The following CPA4 variants were observed in gnomAD, a reference collection of about 807,000 sequenced individuals.
CPA4 encodes carboxypeptidase A3.
CPA4 carries 49 observed loss-of-function variants against 54.7 expected under a neutral mutation model. The ratio of observed to expected loss-of-function variants is 0.90; its 90% CI spans 0.71 to 1.14. The LOEUF (loss-of-function observed/expected upper bound fraction) is 1.14. CPA4 is among the 50% of genes most tolerant of loss of function. The pLI is 0.00. For missense variants in CPA4, 487 were observed against 525.1 expected (o/e 0.93, Z 0.71); for synonymous variants, 215 against 206.8 (o/e 1.04, Z -0.34).
chr7:130,298,216 A>G (rs764940507), intron 1 of CPA4, among the ~76,000 whole-genome samples: 2 of 152,232 alleles, frequency 1.3e-5, no homozygotes, highest in Non-Finnish European at 2.9e-5. Flanking sequence ...TTTTCTTTCC[A>G]GCATGGAGGT....
chr7:130,295,703 G>C (rs916602969), intron 1 of CPA4, among the ~76,000 whole-genome samples: 1 of 152,200 alleles, frequency 6.6e-6, no homozygotes, highest in East Asian at 1.9e-4. Context: ...GCTACCGCTG[G>C]GTGCAGTGGC....
chr7:130,308,373 A>C lies in CPA4; in HGVS notation c.769A>C (p.Arg257=). The C allele has an allele frequency of 6.2e-7, 1 of 1,614,136 alleles. No individual in the cohort carries two copies. The highest frequency in any genetic ancestry group is 8.5e-7 in the Non-Finnish European group (1 of 1,180,000). ...GSSCIGADPN[R]NWNASFAGKG... ...CTCCTGCATTGGTGCTGACCCAAAT[A>C]GAAACTGGAACGCTAGTTTTGCAGG... is the stretch of plus-strand genomic sequence containing the variant. Residue 257 remains arginine, a synonymous_variant, in exon 8 of 11, where the codon AGA becomes CGA. Coordinates refer to ENST00000222482, the MANE Select transcript of CPA4 (RefSeq NM_016352.4).
intron 1 of CPA4, among the ~76,000 whole-genome samples, chr7:130,295,587 T>A (rs1326259437): frequency 6.6e-6 from 1 of 152,184 alleles, no homozygotes; most frequent in Non-Finnish European, 1.5e-5. Context: ...ATTTTTCAAA[T>A]ACAGACAAGG....
intron 3 of CPA4, among the ~76,000 whole-genome samples, chr7:130,300,275 C>A (rs1297411352): frequency 6.6e-6 from 1 of 151,806 alleles, no homozygotes; most frequent in East Asian, 1.9e-4. Context: ...GCATATGTTG[C>A]TTCCAGGGAG....
In CPA4 at chr7:130,312,100, G is replaced by C; in HGVS notation, c.1056G>C (p.Val352=). The C allele has an allele frequency of 6.2e-7, 1 of 1,613,726 alleles. No individual in the cohort carries two copies. The highest frequency in any genetic ancestry group is 1.1e-5 in the South Asian group (1 of 91,080). ...CTGTGTCGGGCACTGAGTACCAAGT[G>C]GGTCCCACCTGCACCACTGTCTGTA... ...LASVSGTEYQ[V]GPTCTTVYPA... Residue 352 remains valine (V), a synonymous_variant, in exon 10 of 11, where the codon GTG becomes GTC. Transcript: ENST00000222482.
intron 8 of CPA4, among the ~76,000 whole-genome samples, chr7:130,308,706 C>A (rs552124321): frequency 7.3e-6 from 1 of 136,504 alleles, no homozygotes; most frequent in Non-Finnish European, 1.5e-5. Flanking sequence ...TGCAGGTGCA[C>A]GCCACCACGC....
At chr7:130,306,570 T>G (rs1584749177) in intron 6 of CPA4, among the ~76,000 whole-genome samples, 1 of 152,120 alleles carries the variant, frequency 6.6e-6, no homozygotes, top group East Asian at 1.9e-4. Flanking sequence ...TTAGCAGCCA[T>G]GTCCCCAAGC....
At chr7:130,312,145 G>A in intron 10 of CPA4, 23 bp downstream of exon 10, 1 of 1,565,738 alleles carries the variant, frequency 6.4e-7, no homozygotes, top group African/African-American at 1.4e-5. Context: ...TTATTTATGA[G>A]TTATTTAGAA....
intron 4 of CPA4, among the ~76,000 whole-genome samples, chr7:130,303,523 G>A (rs930944329): frequency 2.6e-5 from 4 of 152,142 alleles, no homozygotes; most frequent in African/African-American, 9.7e-5. Context: ...GTGTGTCTGT[G>A]TGTGTGTACA....
Position 130,308,332 on chromosome 7 carries a change from C to T in CPA4, c.728C>T (p.Ser243Phe). Residue 243 changes from serine (S) to phenylalanine (F), a missense_variant, in exon 8 of 11, where the codon TCC (serine) becomes TTC (phenylalanine). Transcript: ENST00000222482. The part of the protein sequence containing the change: ...TQNRLWRKTR[S>F]RNPGSSCIGA... ...AACCGATTATGGAGGAAGACGCGGT[C>T]CCGAAATCCTGGAAGCTCCTGCATT... is the stretch of plus-strand genomic sequence containing the variant. 3 of 1,614,158 alleles carry T rather than the reference C, an allele frequency of 1.9e-6. No homozygotes were observed. The highest frequency in any genetic ancestry group is 2.5e-6 in the Non-Finnish European group (3 of 1,180,020).
intron 10 of CPA4, among the ~76,000 whole-genome samples, chr7:130,315,891 T>C (rs1313781546): frequency 2.0e-5 from 3 of 152,158 alleles, no homozygotes; most frequent in Non-Finnish European, 2.9e-5. Context: ...TATGTGTATA[T>C]GAGAACTTAT....
At chr7:130,313,478 C>T (rs1197383510) in intron 10 of CPA4, among the ~76,000 whole-genome samples, 2 of 152,252 alleles carry the variant, frequency 1.3e-5, no homozygotes, top group South Asian at 4.2e-4. Flanking sequence ...AGATTTAATC[C>T]CCATTTATTT....
intron 9 of CPA4, 89 bp downstream of exon 9, chr7:130,311,075 G>A: frequency 9.7e-7 from 1 of 1,026,766 alleles, no homozygotes; most frequent in Non-Finnish European, 1.5e-6. Flanking sequence ...TTATAGGGAG[G>A]GTCCAGGAGC....
intron 4 of CPA4, 101 bp from the exon 5 acceptor site, chr7:130,304,377 C>T: frequency 1.3e-6 from 1 of 799,790 alleles, no homozygotes. Flanking sequence ...AGATTAGGGT[C>T]CCGGAAGAGA....
intron 10 of CPA4, among the ~76,000 whole-genome samples, chr7:130,319,459 C>T (rs935628917): frequency 3.3e-5 from 5 of 152,176 alleles, no homozygotes; most frequent in African/African-American, 1.2e-4. Flanking sequence ...GGAAAACTTC[C>T]CCTTTGCCTT....
intron 6 of CPA4, 100 bp from the exon 7 acceptor site, chr7:130,306,687 C>A (rs1053211390): frequency 2.8e-6 from 2 of 720,814 alleles, no homozygotes; most frequent in Admixed American, 2.1e-5. Context: ...TAGGAGCATT[C>A]ATTCTAGCTG....
At position 130,308,311 on chromosome 7, in the gene CPA4, G is replaced by A. The variant is rs770528255; in HGVS notation, c.707G>A (p.Arg236Gln). 6.2e-6 allele frequency: 10 copies of A among 1,613,978 alleles called. No individual in the cohort carries two copies. Among genetic ancestry groups the A allele is most frequent in the Admixed American group, 3.3e-5 (2 of 60,006 alleles). ...DGYVYTQTQN[R>Q]LWRKTRSRNP... ...CCTCCTTGGTGGCTTTTTCAGAACCGATTATGGAGGAAGACGCGGTCCCGA... is the reference window on the plus strand; with the variant it reads ...CCTCCTTGGTGGCTTTTTCAGAACCAATTATGGAGGAAGACGCGGTCCCGA... Residue 236 changes from arginine (R) to glutamine (Q), a missense_variant, in exon 8 of 11, where the codon CGA becomes CAA. Coordinates refer to ENST00000222482, the MANE Select transcript of CPA4 (RefSeq NM_016352.4).
intron 10 of CPA4, among the ~76,000 whole-genome samples, chr7:130,321,966 G>A (rs1413598280): frequency 6.6e-6 from 1 of 152,158 alleles, no homozygotes; most frequent in Non-Finnish European, 1.5e-5. Flanking sequence ...CTGCTTGAAT[G>A]TCCTTACACC....
rs141854221 is a variant in CPA4, at chr7:130,298,358, T to C, written c.69-388T>C. ...TGTTTTTCATTATAAAGTAATATGA[T>C]CACATTACAGAAAACAGATACAAGG... On this transcript the variant is annotated intron_variant, in intron 1 of 10. Coordinates refer to ENST00000222482, the MANE Select transcript of CPA4 (RefSeq NM_016352.4). 8.2e-4 allele frequency among the ~76,000 whole-genome samples: 125 copies of C among 152,268 alleles called. 1 individual carries two copies. The highest frequency in any genetic ancestry group is 2.9e-3 in the African/African-American group (121 of 41,548).
Sources: allele counts gnomAD v4.1 joint callset (sites outside exome capture counted in the v4.1 genomes callset), GRCh38; gene constraint gnomAD v4.1.1; transcripts MANE v1.5; gene names NCBI Gene and HGNC (gene_info 2026-07-23, HGNC 2026-07-21).